NRXN1: variants seen among roughly 807,000 people sequenced by gnomAD.
The protein encoded by NRXN1 is neurexin 1.
Under a neutral mutation model 150.9 loss-of-function variants are expected in NRXN1, and 39 were observed. The ratio of observed to expected loss-of-function variants is 0.26; its 90% CI spans 0.20 to 0.34. The LOEUF (loss-of-function observed/expected upper bound fraction) is 0.34, where lower values mean the gene tolerates loss of function less well. NRXN1 is among the 10% of genes least tolerant of loss of function. The pLI is 1.00. For missense variants in NRXN1, 1,815 were observed against 1,949.9 expected (o/e 0.93, Z 1.30); for synonymous variants, 924 against 757.0 (o/e 1.22, Z -3.62).
intron 5 of NRXN1, among the ~76,000 whole-genome samples, chr2:50,748,020 A>G (rs1194378671): frequency 6.6e-6 from 1 of 152,180 alleles, no homozygotes; most frequent in East Asian, 1.9e-4. Flanking sequence ...AGCATGCACC[A>G]GACATGATAA....
chr2:50,379,728 G>T (rs778198489), intron 17 of NRXN1, among the ~76,000 whole-genome samples: 5 of 152,086 alleles, frequency 3.3e-5, no homozygotes, highest in Non-Finnish European at 7.4e-5. Context: ...TGTAAAAAAG[G>T]AGGAAATCTC....
chr2:50,524,478 CATAAATAAATAAATAAATAA>C (rs201231040), intron 12 of NRXN1, among the ~76,000 whole-genome samples: 5,176 of 141,084 alleles, frequency 0.037, 203 homozygotes, highest in Non-Finnish European at 0.049. Context: ...GAGTCCATCT[CATAAATAAATAAATAAATAA>C]ATAAATAAAT....
intron 5 of NRXN1, chr2:50,696,203 T>C (rs1047210729): frequency 2.6e-5 from 4 of 152,054 alleles, no homozygotes; most frequent in Admixed American, 2.6e-4. Flanking sequence ...TGTGTGTGTG[T>C]GTGTGTGTGT....
At chr2:50,547,204 G>A (rs1031937166) in intron 9 of NRXN1, among the ~76,000 whole-genome samples, 3 of 152,034 alleles carry the variant, frequency 2.0e-5, no homozygotes, top group African/African-American at 2.4e-5. Flanking sequence ...ATGAATAACC[G>A]CTGACACAAT....
intron 18 of NRXN1, among the ~76,000 whole-genome samples, chr2:50,140,624 G>A (rs997215201): frequency 2.0e-5 from 3 of 151,656 alleles, no homozygotes; most frequent in African/African-American, 7.3e-5. Context: ...CTCTCCTACA[G>A]AAATGTAGAC....
intron 9 of NRXN1, among the ~76,000 whole-genome samples, chr2:50,542,698 T>G (rs1290290260): frequency 1.3e-5 from 2 of 152,188 alleles, no homozygotes; most frequent in Non-Finnish European, 2.9e-5. Flanking sequence ...TAATTAAATT[T>G]TATTACTGAG....
At chr2:50,983,248 G>A (rs1433045292) in intron 2 of NRXN1, among the ~76,000 whole-genome samples, 1 of 152,006 alleles carries the variant, frequency 6.6e-6, no homozygotes, top group East Asian at 1.9e-4. Flanking sequence ...AAATCAGAGA[G>A]GATGGAAAGA....
intron 5 of NRXN1, among the ~76,000 whole-genome samples, chr2:50,755,398 ATCCCAT>A (rs1468571613): frequency 1.3e-5 from 2 of 151,820 alleles, no homozygotes; most frequent in African/African-American, 4.8e-5. Context: ...AACATTATGT[ATCCCAT>A]TTACCATATG....
chr2:50,985,772 T>C (rs1470877713), intron 2 of NRXN1, among the ~76,000 whole-genome samples: 1 of 151,710 alleles, frequency 6.6e-6, no homozygotes, highest in Non-Finnish European at 1.5e-5. Context: ...AAAAGACTGA[T>C]ACATTTACCC....
At chr2:50,589,998 G>T (rs1432233927) in intron 8 of NRXN1, among the ~76,000 whole-genome samples, 1 of 152,184 alleles carries the variant, frequency 6.6e-6, no homozygotes, top group Non-Finnish European at 1.5e-5. Flanking sequence ...CTGAATGAAT[G>T]TATACACAAA....
In NRXN1 at chr2:49,961,230, G is replaced by A. The variant is rs116594755; in HGVS notation, c.4129-17439C>T. 5.4e-3 allele frequency among the ~76,000 whole-genome samples: 815 copies of A among 151,718 alleles called. 11 individuals carry two copies. The highest frequency in any genetic ancestry group is 0.019 in the African/African-American group (786 of 41,362). On this transcript the variant is annotated intron_variant, in intron 21 of 22. Transcript: ENST00000401669. The stretch of plus-strand genomic sequence containing the variant: ...GTTACTGACTGAACCCTTCACAAAC[G>A]CATTATTAGCTACCAAACCCTGGCA...
At chr2:50,394,295 T>C (rs1405662428) in intron 17 of NRXN1, among the ~76,000 whole-genome samples, 1 of 152,090 alleles carries the variant, frequency 6.6e-6, no homozygotes, top group Non-Finnish European at 1.5e-5. Context: ...CCTACTTGGA[T>C]GTCCACTAGG....
intron 5 of NRXN1, among the ~76,000 whole-genome samples, chr2:50,644,999 G>A (rs1167103727): frequency 1.3e-5 from 2 of 151,618 alleles, no homozygotes; most frequent in East Asian, 1.9e-4. Flanking sequence ...GCATATCACA[G>A]TGCATTTATA....
intron 17 of NRXN1, among the ~76,000 whole-genome samples, chr2:50,380,303 T>C (rs535429799): frequency 6.6e-6 from 1 of 152,092 alleles, no homozygotes; most frequent in African/African-American, 2.4e-5. Context: ...TGTGCGTGTG[T>C]GTGTGTATTT....
rs529773145 is a variant in NRXN1, at chr2:50,471,859, G to A, written c.3244+439C>T. ...ACAAGTTGACCTACATAACAAACTTGCACATGTACCCCCTGGACTTAAAAT... is the reference window on the plus strand; with the variant it reads ...ACAAGTTGACCTACATAACAAACTTACACATGTACCCCCTGGACTTAAAAT... On this transcript the variant is annotated intron_variant, in intron 16 of 22. Coordinates refer to ENST00000401669, the MANE Select transcript of NRXN1 (RefSeq NM_001330078.2). Among the ~76,000 whole-genome samples, 437 of 151,716 alleles carry A rather than the reference G, an allele frequency of 2.9e-3. 2 individuals carry two copies. The highest frequency in any genetic ancestry group is 9.6e-3 in the African/African-American group (399 of 41,400).
chr2:50,529,502 CTG>C (rs1228515545), intron 11 of NRXN1, among the ~76,000 whole-genome samples: 1 of 152,094 alleles, frequency 6.6e-6, no homozygotes, highest in Admixed American at 6.6e-5. Context: ...TTTTAAAAGA[CTG>C]TAGGATGTTT....
intron 2 of NRXN1, among the ~76,000 whole-genome samples, chr2:50,954,329 G>A (rs1196471459): frequency 6.6e-6 from 1 of 152,174 alleles, no homozygotes; most frequent in African/African-American, 2.4e-5. Flanking sequence ...ATGGCGTTAT[G>A]TGGACCACCT....
chr2:50,752,829 G>A (rs1048188345), intron 5 of NRXN1, among the ~76,000 whole-genome samples: 1 of 151,880 alleles, frequency 6.6e-6, no homozygotes, highest in African/African-American at 2.4e-5. Context: ...AAAAGAACTG[G>A]TGATAATTTG....
At chr2:50,418,900 T>G (rs1188513754) in intron 17 of NRXN1, among the ~76,000 whole-genome samples, 4 of 152,070 alleles carry the variant, frequency 2.6e-5, no homozygotes, top group African/African-American at 9.7e-5. Flanking sequence ...TATCATATTT[T>G]TATCATATTT....
Sources: allele counts gnomAD v4.1 joint callset (sites outside exome capture counted in the v4.1 genomes callset), GRCh38; gene constraint gnomAD v4.1.1; transcripts MANE v1.5; gene names NCBI Gene and HGNC (gene_info 2026-07-23, HGNC 2026-07-21).